CDH20: variants seen among roughly 807,000 people sequenced by gnomAD.
CDH20 encodes cadherin-20.
Under a neutral mutation model 74.2 loss-of-function variants are expected in CDH20, and 29 were observed. The ratio of observed to expected loss-of-function variants is 0.39; its 90% CI spans 0.29 to 0.53. The LOEUF (loss-of-function observed/expected upper bound fraction) is 0.53, where lower values mean the gene tolerates loss of function less well. Ranked by LOEUF, CDH20 falls within the 20% of genes least tolerant of loss-of-function variation. The pLI is 0.69. For missense variants in CDH20, 988 were observed against 1,048.3 expected (o/e 0.94, Z 0.79); for synonymous variants, 469 against 405.4 (o/e 1.16, Z -1.88).
intron 6 of CDH20, among the ~76,000 whole-genome samples, chr18:61,526,253 C>T (rs953970986): frequency 2.6e-5 from 4 of 151,152 alleles, no homozygotes; most frequent in Non-Finnish European, 4.4e-5. Context: ...CTCAGCCTCC[C>T]GAGTAGCTGG....
intron 1 of CDH20, among the ~76,000 whole-genome samples, chr18:61,345,812 T>C (rs146309042): frequency 6.6e-6 from 1 of 152,290 alleles, no homozygotes; most frequent in East Asian, 1.9e-4. Flanking sequence ...ACTTCCATCC[T>C]CCACGAGCCA....
At chr18:61,489,428 A>C (rs1417224231) in intron 1 of CDH20, among the ~76,000 whole-genome samples, 1 of 152,056 alleles carries the variant, frequency 6.6e-6, no homozygotes, top group Non-Finnish European at 1.5e-5. Flanking sequence ...CCGAAGGAAG[A>C]CATTTTGGTT....
At chr18:61,420,757 T>A (rs905901407) in intron 1 of CDH20, among the ~76,000 whole-genome samples, 5 of 152,030 alleles carry the variant, frequency 3.3e-5, no homozygotes, top group Non-Finnish European at 5.9e-5. Flanking sequence ...CTGCAAAAAC[T>A]CCTATTAAAC....
intron 1 of CDH20, among the ~76,000 whole-genome samples, chr18:61,374,897 A>G (rs117128701): frequency 4.6e-4 from 70 of 152,188 alleles, no homozygotes; most frequent in Non-Finnish European, 8.1e-4. Flanking sequence ...TTCCTCACCC[A>G]ATTTACATGT....
intron 6 of CDH20, among the ~76,000 whole-genome samples, chr18:61,523,492 A>G (rs1472387993): frequency 6.6e-6 from 1 of 152,210 alleles, no homozygotes; most frequent in Admixed American, 6.5e-5. Context: ...TAATTCAACC[A>G]TTGTGGAAGA....
chr18:61,426,821 C>T (rs1913086821), intron 1 of CDH20, among the ~76,000 whole-genome samples: 1 of 152,214 alleles, frequency 6.6e-6, no homozygotes, highest in Non-Finnish European at 1.5e-5. Context: ...TGTTAAGCAG[C>T]AGAGCCTGTG....
At chr18:61,450,370 T>C (rs1373766502) in intron 1 of CDH20, among the ~76,000 whole-genome samples, 1 of 131,882 alleles carries the variant, frequency 7.6e-6, no homozygotes, top group Non-Finnish European at 1.6e-5. Context: ...AAAATGAAGA[T>C]GAAAGGCAAA....
intron 9 of CDH20, among the ~76,000 whole-genome samples, chr18:61,544,416 T>G (rs1418252302): frequency 1.3e-5 from 2 of 152,234 alleles, no homozygotes; most frequent in Admixed American, 1.3e-4. Flanking sequence ...CAGCCTGAGT[T>G]CTTGCCCAGT....
chr18:61,461,495 T>C (rs1909772971), intron 1 of CDH20, among the ~76,000 whole-genome samples: 1 of 152,082 alleles, frequency 6.6e-6, no homozygotes. Context: ...GTGTGTAGCA[T>C]CATGAGCCCA....
intron 2 of CDH20, among the ~76,000 whole-genome samples, chr18:61,498,399 C>CA (rs55721858): frequency 6.9e-6 from 1 of 145,450 alleles, no homozygotes; most frequent in East Asian, 2.0e-4. Flanking sequence ...AACTCTGTCT[C>CA]AAAAAAAAAA....
chr18:61,458,242 C>A (rs1283797166), intron 1 of CDH20, among the ~76,000 whole-genome samples: 6 of 152,094 alleles, frequency 3.9e-5, no homozygotes, highest in African/African-American at 9.7e-5. Context: ...AGTATTTATT[C>A]TATTTCAGAA....
At chr18:61,415,904 T>A (rs1451756177) in intron 1 of CDH20, among the ~76,000 whole-genome samples, 2 of 152,204 alleles carry the variant, frequency 1.3e-5, no homozygotes, top group Non-Finnish European at 2.9e-5. Context: ...ACTAATATAT[T>A]ATTCTTCAGC....
At chr18:61,372,704 C>A (rs1401220652) in intron 1 of CDH20, among the ~76,000 whole-genome samples, 2 of 152,084 alleles carry the variant, frequency 1.3e-5, no homozygotes, top group Non-Finnish European at 2.9e-5. Context: ...TATTGGAAAA[C>A]AGCTACGCTT....
Position 61,507,538 on chromosome 18 carries a change from T to C in CDH20, c.995T>C (p.Val332Ala). 1 of 1,610,762 alleles carries C rather than the reference T, an allele frequency of 6.2e-7. No individual in the cohort carries two copies. The highest frequency in any genetic ancestry group is 8.5e-7 in the Non-Finnish European group (1 of 1,178,558). Residue 332 changes from valine to alanine, a missense_variant, in exon 6 of 12, where the codon GTT becomes GCT. By Grantham distance (64) the Val-to-Ala change is moderately conservative. Transcript: ENST00000262717. ...FDISTDPNFQ[V>A]GIITVKKPLS... ...ATTAGCACAGATCCCAATTTCCAAG[T>C]TGGTATCATAACTGTGAAGAAGGTA... is the stretch of plus-strand genomic sequence containing the variant.
intron 1 of CDH20, among the ~76,000 whole-genome samples, chr18:61,391,903 C>A (rs746797734): frequency 6.6e-6 from 1 of 152,050 alleles, no homozygotes; most frequent in African/African-American, 2.4e-5. Context: ...TTGACCCAAT[C>A]CCCTTCCTCC....
At chr18:61,388,499 T>G (rs568139032) in intron 1 of CDH20, among the ~76,000 whole-genome samples, 1 of 152,178 alleles carries the variant, frequency 6.6e-6, no homozygotes, top group Non-Finnish European at 1.5e-5. Context: ...ATTTCAAAAA[T>G]TGAACTAATT....
intron 1 of CDH20, among the ~76,000 whole-genome samples, chr18:61,451,327 T>TA (rs1009636432): frequency 6.6e-6 from 1 of 151,926 alleles, no homozygotes; most frequent in African/African-American, 2.4e-5. Context: ...TTAAATTATA[T>TA]AAAAAAACAA....
intron 1 of CDH20, among the ~76,000 whole-genome samples, chr18:61,427,565 A>G (rs1913113175): frequency 6.6e-6 from 1 of 152,196 alleles, no homozygotes; most frequent in Non-Finnish European, 1.5e-5. Context: ...TTCATTTCCT[A>G]TCCTTCATAA....
At chr18:61,446,038 G>C (rs887516191) in intron 1 of CDH20, among the ~76,000 whole-genome samples, 1 of 151,720 alleles carries the variant, frequency 6.6e-6, no homozygotes, top group African/African-American at 2.4e-5. Context: ...AGCATCCCAA[G>C]AGAGAGACAG....
Sources: allele counts gnomAD v4.1 joint callset (sites outside exome capture counted in the v4.1 genomes callset), GRCh38; gene constraint gnomAD v4.1.1; transcripts MANE v1.5; gene names NCBI Gene and HGNC (gene_info 2026-07-23, HGNC 2026-07-21).